CIMAP1D: variants seen among roughly 807,000 people sequenced by gnomAD.
CIMAP1D encodes the protein CIMAP1 family member D.
the CIMAP1D span, among the ~76,000 whole-genome samples, chr19:467,057 A>ATGGG: frequency 2.3e-5 from 1 of 43,670 alleles, no homozygotes; most frequent in African/African-American, 1.2e-4. Flanking sequence ...GGATAGATGG[A>ATGGG]TGGGTGGGTG....
chr19:463,851 C>T, the CIMAP1D span: 1 of 1,608,054 alleles, frequency 6.2e-7, no homozygotes, highest in Non-Finnish European at 8.5e-7. Context: ...GGCCTAGCAG[C>T]AGCGGCCGGG....
the CIMAP1D span, among the ~76,000 whole-genome samples, chr19:474,343 G>C: frequency 1.3e-5 from 2 of 152,228 alleles, no homozygotes; most frequent in Non-Finnish European, 2.9e-5. Flanking sequence ...TCTCCCGCAT[G>C]ATCGCTGTGG....
the CIMAP1D span, among the ~76,000 whole-genome samples, chr19:470,326 C>G: frequency 6.6e-6 from 1 of 152,002 alleles, no homozygotes; most frequent in Admixed American, 6.6e-5. Context: ...CCTGCCTCAG[C>G]CTCCCTAGTA....
the CIMAP1D span, among the ~76,000 whole-genome samples, chr19:484,936 A>C: frequency 2.6e-5 from 4 of 152,060 alleles, no homozygotes. Flanking sequence ...GGGGGTAGGG[A>C]AGCCCGGGGG....
chr19:479,123 TC>T, the CIMAP1D span, among the ~76,000 whole-genome samples: 2 of 152,044 alleles, frequency 1.3e-5, no homozygotes, highest in Admixed American at 1.3e-4. Context: ...AGCAAACTGT[TC>T]TCGTAAATGC....
At chr19:471,172 G>A in the CIMAP1D span, among the ~76,000 whole-genome samples, 1 of 151,982 alleles carries the variant, frequency 6.6e-6, no homozygotes, top group African/African-American at 2.4e-5. Flanking sequence ...TTTTTGAGAC[G>A]GAGTCTCGCT....
the CIMAP1D span, among the ~76,000 whole-genome samples, chr19:484,396 C>T: frequency 6.6e-6 from 1 of 152,114 alleles, no homozygotes; most frequent in Non-Finnish European, 1.5e-5. Flanking sequence ...CCGCCTTGGC[C>T]TCCTAAAGTG....
the CIMAP1D span, chr19:472,600 C>T: frequency 2.3e-6 from 2 of 855,376 alleles, no homozygotes; most frequent in Non-Finnish European, 3.4e-6. Flanking sequence ...TCCCCTCTCC[C>T]TCCATGGTGA....
chr19:480,132 G>A, the CIMAP1D span, among the ~76,000 whole-genome samples: 1 of 152,240 alleles, frequency 6.6e-6, no homozygotes, highest in Non-Finnish European at 1.5e-5. Context: ...AGGCGGGCGA[G>A]GCATTCCAGG....
the CIMAP1D span, chr19:463,936 T>A: frequency 1.9e-6 from 3 of 1,611,422 alleles, no homozygotes; most frequent in South Asian, 2.2e-5. Flanking sequence ...CGGATGCCCA[T>A]AGAGAACGCT....
the CIMAP1D span, among the ~76,000 whole-genome samples, chr19:487,683 G>C: frequency 7.9e-5 from 12 of 152,134 alleles, no homozygotes; most frequent in African/African-American, 2.9e-4. Context: ...ATAATAACAA[G>C]CATGAGGCAG....
the CIMAP1D span, chr19:489,951 TGA>T: frequency 7.5e-6 from 3 of 398,006 alleles, no homozygotes; most frequent in Non-Finnish European, 8.9e-6. Flanking sequence ...TGCCCGGTGC[TGA>T]GAGAGGCCAG....
the CIMAP1D span, among the ~76,000 whole-genome samples, chr19:488,315 G>T: frequency 1.3e-5 from 2 of 152,120 alleles, no homozygotes; most frequent in African/African-American, 4.8e-5. Context: ...GAGGTCAGGA[G>T]ATCGAGACCA....
the CIMAP1D span, among the ~76,000 whole-genome samples, chr19:486,655 C>T: frequency 6.6e-6 from 1 of 151,830 alleles, no homozygotes. Context: ...TGGCTCACGC[C>T]TGTAATCCCA....
At chr19:483,259 A>G in the CIMAP1D span, among the ~76,000 whole-genome samples, 1 of 19,566 alleles carries the variant, frequency 5.1e-5, no homozygotes, top group South Asian at 1.8e-3. Context: ...ATCCCCCCCC[A>G]ACACCCACCC....
At chr19:483,963 G>A in the CIMAP1D span, among the ~76,000 whole-genome samples, 1 of 152,248 alleles carries the variant, frequency 6.6e-6, no homozygotes, top group East Asian at 1.9e-4. Context: ...GATCAGTCCT[G>A]GTGTGGGTGA....
the CIMAP1D span, among the ~76,000 whole-genome samples, chr19:470,966 G>A: frequency 1.3e-5 from 2 of 152,292 alleles, no homozygotes; most frequent in African/African-American, 2.4e-5. Flanking sequence ...CTGCCCTCCC[G>A]CAGGCAGCCG....
At chr19:484,361 G>A in the CIMAP1D span, among the ~76,000 whole-genome samples, 32 of 151,906 alleles carry the variant, frequency 2.1e-4, no homozygotes, top group African/African-American at 5.8e-4. Flanking sequence ...GGCTGGTCTC[G>A]AACTCCTGAC....
At chr19:472,445 A>T in the CIMAP1D span, 1 of 1,547,920 alleles carries the variant, frequency 6.5e-7, no homozygotes, top group Non-Finnish European at 8.7e-7. Context: ...ACCCTGGTGC[A>T]GTCGTGGTTG....
Sources: allele counts gnomAD v4.1 joint callset (sites outside exome capture counted in the v4.1 genomes callset), GRCh38; gene constraint gnomAD v4.1.1; transcripts MANE v1.5; gene names NCBI Gene and HGNC (gene_info 2026-07-23, HGNC 2026-07-21).